PIP5K1B: variants seen among roughly 807,000 people sequenced by gnomAD.
PIP5K1B encodes phosphatidylinositol-4-phosphate 5-kinase type 1 beta.
In PIP5K1B, 42 loss-of-function variants were observed where a neutral mutation model predicts 67.0. The observed-to-expected ratio is 0.63, with a 90% CI of 0.49 to 0.81. PIP5K1B has a LOEUF of 0.81. Among genes scored for constraint, PIP5K1B ranks in the 30% least tolerant of loss-of-function variants. The pLI is 0.00. For synonymous variants in PIP5K1B, 214 were observed against 231.4 expected, an observed-to-expected ratio of 0.92 and a Z score of 0.68; for missense variants, 459 against 646.3, an observed-to-expected ratio of 0.71 and a Z score of 3.14.
chr9:68,729,154 T>C (rs1242425381), intron 1 of PIP5K1B, among the ~76,000 whole-genome samples: 2 of 151,464 alleles, frequency 1.3e-5, no homozygotes, highest in Non-Finnish European at 3.0e-5. Flanking sequence ...ATTAGGGTAC[T>C]GGTATATGGG....
intron 2 of PIP5K1B, among the ~76,000 whole-genome samples, chr9:68,802,026 G>A (rs1371414922): frequency 6.6e-6 from 1 of 152,160 alleles, no homozygotes; most frequent in African/African-American, 2.4e-5. Context: ...TATTTTCTTT[G>A]TGATTTTCTG....
chr9:68,947,883 T>C (rs1827877551), intron 14 of PIP5K1B, among the ~76,000 whole-genome samples: 1 of 152,166 alleles, frequency 6.6e-6, no homozygotes, highest in South Asian at 2.1e-4. Flanking sequence ...GATCTTTAGT[T>C]TGAGAATTCC....
chr9:68,861,189 A>C (rs1823048106), intron 4 of PIP5K1B, among the ~76,000 whole-genome samples: 1 of 152,246 alleles, frequency 6.6e-6, no homozygotes, highest in African/African-American at 2.4e-5. Flanking sequence ...TATTATTACC[A>C]GTCTGTTTTT....
intron 4 of PIP5K1B, among the ~76,000 whole-genome samples, chr9:68,862,520 A>G (rs1823142673): frequency 6.6e-6 from 1 of 152,148 alleles, no homozygotes; most frequent in Admixed American, 6.5e-5. Flanking sequence ...TGGGCCGGGC[A>G]TGGTGGCTCA....
At chr9:68,794,958 A>T (rs1422165823) in intron 2 of PIP5K1B, among the ~76,000 whole-genome samples, 1 of 152,164 alleles carries the variant, frequency 6.6e-6, no homozygotes, top group African/African-American at 2.4e-5. Flanking sequence ...CCATATTTGT[A>T]ACCAGCAGGG....
intron 2 of PIP5K1B, among the ~76,000 whole-genome samples, chr9:68,799,088 C>T (rs1192584346): frequency 6.6e-6 from 1 of 152,182 alleles, no homozygotes; most frequent in Admixed American, 6.5e-5. Flanking sequence ...GGACCTATCT[C>T]TAATATGTTT....
At chr9:68,924,790 A>AT (rs1314635678) in intron 12 of PIP5K1B, among the ~76,000 whole-genome samples, 2 of 152,072 alleles carry the variant, frequency 1.3e-5, no homozygotes, top group African/African-American at 4.8e-5. Context: ...TTTATTGGAG[A>AT]TTTTTTAATT....
rs968969697 is a variant in PIP5K1B, at chr9:68,821,050, G to A, written c.1-1565G>A. Among the ~76,000 whole-genome samples, 5 of 152,234 alleles carry A rather than the reference G, an allele frequency of 3.3e-5. No individual in the cohort carries two copies. The East Asian group carries it at 9.6e-4, about 29-fold the overall frequency. Reference sequence around the variant, plus strand: ...CCCAGCACTTTGGGAGGCCAAGGCAGGAGGATTGCTTGAGCTTAGGAGTTC... The same window carrying A: ...CCCAGCACTTTGGGAGGCCAAGGCAAGAGGATTGCTTGAGCTTAGGAGTTC... On this transcript the variant is annotated intron_variant, in intron 3 of 15. Coordinates refer to ENST00000265382, the MANE Select transcript of PIP5K1B (RefSeq NM_003558.4).
chr9:68,880,874 C>T (rs1337196770), intron 6 of PIP5K1B, among the ~76,000 whole-genome samples: 1 of 152,190 alleles, frequency 6.6e-6, no homozygotes, highest in Non-Finnish European at 1.5e-5. Context: ...GGCAGCTCCC[C>T]AACAAACTTT....
intron 14 of PIP5K1B, 38 bp from the exon 15 acceptor site, chr9:68,991,101 TG>T (rs1269351463): frequency 8.6e-7 from 1 of 1,164,812 alleles, no homozygotes; most frequent in Non-Finnish European, 1.3e-6. Flanking sequence ...GATTTTGTTC[TG>T]GGGGCCTCAT....
At chr9:68,765,327 ATATT>A (rs1449938375) in intron 2 of PIP5K1B, among the ~76,000 whole-genome samples, 1 of 152,136 alleles carries the variant, frequency 6.6e-6, no homozygotes, top group Non-Finnish European at 1.5e-5. Context: ...GTGTCATAAA[ATATT>A]TATTAAAATG....
intron 8 of PIP5K1B, among the ~76,000 whole-genome samples, chr9:68,898,073 C>T (rs12553357): frequency 0.21 from 32,196 of 152,092 alleles, 3,801 homozygotes; most frequent in Admixed American, 0.29. Context: ...TGCCTGGCTT[C>T]CCCAAGCCCA....
chr9:68,792,902 C>T (rs2132504893), intron 2 of PIP5K1B, among the ~76,000 whole-genome samples: 1 of 152,280 alleles, frequency 6.6e-6, no homozygotes, highest in East Asian at 1.9e-4. Flanking sequence ...TTGATTAAAG[C>T]ACTGATTATG....
chr9:68,956,114 T>A (rs1371591941), intron 14 of PIP5K1B, among the ~76,000 whole-genome samples: 1 of 152,160 alleles, frequency 6.6e-6, no homozygotes, highest in African/African-American at 2.4e-5. Flanking sequence ...AAAATGAAAC[T>A]TTTTTCCCTA....
At chr9:68,764,074 C>CTTTTTTTTTTTTTTTTTTTTTTT (rs72304177) in intron 2 of PIP5K1B, among the ~76,000 whole-genome samples, 1 of 73,516 alleles carries the variant, frequency 1.4e-5, no homozygotes, top group African/African-American at 5.4e-5. Context: ...ACTATAACTT[C>CTTTTTTTTTTTTTTTTTTTTTTT]TTTTTTTTTT....
At chr9:68,974,234 C>G (rs1010365138) in intron 14 of PIP5K1B, among the ~76,000 whole-genome samples, 2 of 152,180 alleles carry the variant, frequency 1.3e-5, no homozygotes, top group African/African-American at 4.8e-5. Flanking sequence ...GCATACTATG[C>G]CATTTCTAGA....
At chr9:68,713,265 G>A (rs1377890273) in intron 1 of PIP5K1B, among the ~76,000 whole-genome samples, 1 of 152,216 alleles carries the variant, frequency 6.6e-6, no homozygotes, top group Admixed American at 6.5e-5. Flanking sequence ...TGGGCATGGT[G>A]GCAGGTGCCT....
chr9:68,955,826 A>G (rs982744311), intron 14 of PIP5K1B, among the ~76,000 whole-genome samples: 1 of 152,242 alleles, frequency 6.6e-6, no homozygotes, highest in Admixed American at 6.5e-5. Context: ...ATTCATGCAC[A>G]TTCTTTTTAC....
chr9:68,954,380 G>A lies in PIP5K1B; in HGVS notation c.1502+13590G>A, dbSNP rs181870317. ...GTGTTTCATCTGCCTCTGTTTCTTC[G>A]TCTACAGATTAAGAGAGGCCCAGAG... is the stretch of plus-strand genomic sequence containing the variant. On this transcript the variant is annotated intron_variant, in intron 14 of 15. Coordinates refer to ENST00000265382, the MANE Select transcript of PIP5K1B (RefSeq NM_003558.4). Among the ~76,000 whole-genome samples the A allele has an allele frequency of 1.3e-3, 202 of 152,110 alleles. 1 individual carries two copies. The highest frequency in any genetic ancestry group is 2.4e-3 in the Non-Finnish European group (165 of 68,006).
Sources: allele counts gnomAD v4.1 joint callset (sites outside exome capture counted in the v4.1 genomes callset), GRCh38; gene constraint gnomAD v4.1.1; transcripts MANE v1.5; gene names NCBI Gene and HGNC (gene_info 2026-07-23, HGNC 2026-07-21).